The following CXCL13 variants were observed in gnomAD, a reference collection of about 807,000 sequenced individuals.
CXCL13 encodes C-X-C motif chemokine 13.
Under a neutral mutation model 12.2 loss-of-function variants are expected in CXCL13, and 7 were observed. The observed-to-expected ratio is 0.57, with a 90% CI of 0.33 to 1.07. CXCL13 has a LOEUF of 1.07. CXCL13 is among the 50% of genes least tolerant of loss of function. The probability of loss-of-function intolerance (pLI) is 0.04; values close to 1 mark genes in which losing one functional copy is unlikely to be tolerated. For missense variants in CXCL13, 113 were observed against 127.4 expected (o/e 0.89, Z 0.55); for synonymous variants, 47 against 42.4 (o/e 1.11, Z -0.42).
At chr4:77,537,071 T>G (rs189174253) in intron 1 of CXCL13, among the ~76,000 whole-genome samples, 28 of 152,276 alleles carry the variant, frequency 1.8e-4, no homozygotes, top group Middle Eastern at 3.4e-3. Context: ...AGCAATGACA[T>G]TCAAGGAGAA....
chr4:77,603,109 T>C (rs1578073382), upstream of CXCL13, among the ~76,000 whole-genome samples: 3 of 152,240 alleles, frequency 2.0e-5, no homozygotes, highest in Admixed American at 1.3e-4. Flanking sequence ...TTCAGAGCTC[T>C]CTTTCAGGTA....
chr4:77,577,394 A>G (rs935845089), intron 1 of CXCL13, among the ~76,000 whole-genome samples: 1 of 152,020 alleles, frequency 6.6e-6, no homozygotes, highest in African/African-American at 2.4e-5. Context: ...ACTCAATTCT[A>G]AGCTTTGAGT....
At chr4:77,545,973 G>GT (rs1696574465) in intron 1 of CXCL13, among the ~76,000 whole-genome samples, 1 of 152,146 alleles carries the variant, frequency 6.6e-6, no homozygotes, top group Non-Finnish European at 1.5e-5. Flanking sequence ...GTTGAATTTT[G>GT]TTGTAGGTCT....
At chr4:77,537,356 C>A (rs376666787) in intron 1 of CXCL13, among the ~76,000 whole-genome samples, 3 of 152,134 alleles carry the variant, frequency 2.0e-5, no homozygotes, top group African/African-American at 7.2e-5. Flanking sequence ...AAGGAGCAAG[C>A]CAGGGGAAAT....
intron 1 of CXCL13, among the ~76,000 whole-genome samples, chr4:77,542,079 A>G (rs1436006757): frequency 3.3e-5 from 5 of 152,056 alleles, no homozygotes; most frequent in Non-Finnish European, 7.4e-5. Context: ...GATTTTACTG[A>G]GGTCATTTAT....
rs138341840 is a variant in CXCL13, at chr4:77,526,487, G to A, written c.-43+14699G>A. ...TAACAATACTAGATAATATTAAAAG[G>A]CAAATGATGGAAAACACACTCAAAG... On this transcript the variant is annotated intron_variant, in intron 1 of 4. Coordinates refer to the CXCL13 transcript ENST00000286758. Among the ~76,000 whole-genome samples the A allele has an allele frequency of 9.1e-3, 1,373 of 151,656 alleles. 14 individuals are homozygous for A. Among genetic ancestry groups the A allele is most frequent in the African/African-American group, 0.031 (1,286 of 41,314 alleles).
At chr4:77,548,600 T>C (rs949571844) in intron 1 of CXCL13, among the ~76,000 whole-genome samples, 21 of 152,234 alleles carry the variant, frequency 1.4e-4, no homozygotes, top group Admixed American at 4.6e-4. Context: ...AAGTGAGTAC[T>C]AACCGAATTC....
At chr4:77,558,085 C>T (rs1451122626) in intron 1 of CXCL13, among the ~76,000 whole-genome samples, 4 of 152,250 alleles carry the variant, frequency 2.6e-5, no homozygotes, top group Admixed American at 2.6e-4. Context: ...CATGCTCTGA[C>T]ACCTTGATCC....
intron 1 of CXCL13, among the ~76,000 whole-genome samples, chr4:77,595,330 A>C (rs1230269360): frequency 2.0e-5 from 3 of 152,236 alleles, no homozygotes; most frequent in Non-Finnish European, 4.4e-5. Context: ...ACTCAGGGCC[A>C]GGATGTATTG....
intron 1 of CXCL13, among the ~76,000 whole-genome samples, chr4:77,546,491 C>G (rs987355060): frequency 1.3e-5 from 2 of 152,024 alleles, no homozygotes; most frequent in Admixed American, 1.3e-4. Flanking sequence ...TGTATGTGTC[C>G]AGGAATTTGT....
chr4:77,604,806 G>T (rs1402585546), upstream of CXCL13, among the ~76,000 whole-genome samples: 1 of 152,128 alleles, frequency 6.6e-6, no homozygotes, highest in East Asian at 1.9e-4. Flanking sequence ...AAACCAAATT[G>T]TTTAGGAAAT....
rs1356585708 is a variant in CXCL13, at chr4:77,611,775, C to A, written c.*736C>A. On this transcript the variant is annotated 3_prime_UTR_variant, in exon 4 of 4. Transcript: ENST00000682537. ...GCCGGGGGGACTCTGGTATCTAATT[C>A]TTTAATGATTCCTATAAATCTAATG... 5.0e-6 allele frequency: 2 copies of A among 396,998 alleles called. No individual in the cohort carries two copies. The highest frequency in any genetic ancestry group is 8.9e-6 in the Non-Finnish European group (2 of 225,490). 24.6% of individuals were successfully genotyped at this position (396,998 alleles called of 1,614,324 possible).
intron 1 of CXCL13, among the ~76,000 whole-genome samples, chr4:77,526,377 A>G (rs576420941): frequency 2.0e-5 from 3 of 152,274 alleles, no homozygotes; most frequent in Non-Finnish European, 2.9e-5. Context: ...CCAACTCATT[A>G]TATAAATAAA....
chr4:77,522,399 T>A (rs753148998), intron 1 of CXCL13, among the ~76,000 whole-genome samples: 17 of 152,008 alleles, frequency 1.1e-4, no homozygotes, highest in Non-Finnish European at 1.9e-4. Flanking sequence ...ATTTGGGATA[T>A]TTAGCTCTTC....
intron 1 of CXCL13, among the ~76,000 whole-genome samples, chr4:77,552,935 G>A (rs355674): frequency 0.75 from 113,736 of 152,108 alleles, 42,592 homozygotes; most frequent in Admixed American, 0.79. Context: ...CTGCATGGGC[G>A]TGGAGCAGAG....
At chr4:77,541,935 G>C (rs1217246906) in intron 1 of CXCL13, among the ~76,000 whole-genome samples, 1 of 152,072 alleles carries the variant, frequency 6.6e-6, no homozygotes, top group Non-Finnish European at 1.5e-5. Flanking sequence ...TCACCTACTT[G>C]GTTAGATTAT....
At chr4:77,520,383 T>C (rs1402306664) in intron 1 of CXCL13, among the ~76,000 whole-genome samples, 1 of 152,206 alleles carries the variant, frequency 6.6e-6, no homozygotes, top group Non-Finnish European at 1.5e-5. Flanking sequence ...TGTCCTCTTT[T>C]ATTTCCTTGA....
chr4:77,541,237 T>A (rs771806956), intron 1 of CXCL13, among the ~76,000 whole-genome samples: 2 of 152,212 alleles, frequency 1.3e-5, no homozygotes, highest in Non-Finnish European at 2.9e-5. Flanking sequence ...TCTTTTGCTG[T>A]GCAGAAGCTC....
At chr4:77,560,310 G>T (rs1404114963) in intron 1 of CXCL13, among the ~76,000 whole-genome samples, 3 of 152,158 alleles carry the variant, frequency 2.0e-5, no homozygotes, top group Admixed American at 2.0e-4. Context: ...GTGGAACCCA[G>T]ATCTGACTCC....
Sources: allele counts gnomAD v4.1 joint callset (sites outside exome capture counted in the v4.1 genomes callset), GRCh38; gene constraint gnomAD v4.1.1; transcripts MANE v1.5; gene names NCBI Gene and HGNC (gene_info 2026-07-23, HGNC 2026-07-21).